Variants in RBFOX1 observed in about 807,000 individuals in gnomAD.
The protein encoded by RBFOX1 is RNA binding protein fox-1 homolog 1.
RBFOX1 carries 8 observed loss-of-function variants against 57.7 expected under a neutral mutation model. That is an observed-to-expected ratio of 0.14 (90% CI 0.08 to 0.25). The LOEUF (loss-of-function observed/expected upper bound fraction) is 0.25. Among genes scored for constraint, RBFOX1 ranks in the 10% least tolerant of loss-of-function variants. The pLI, the probability that RBFOX1 is intolerant of heterozygous loss-of-function variation, is 1.00. For synonymous variants in RBFOX1, 326 were observed against 222.4 expected, an observed-to-expected ratio of 1.47 and a Z score of -4.15; for missense variants, 611 against 548.5, an observed-to-expected ratio of 1.11 and a Z score of -1.14.
chr16:6,297,763 A>G (rs1468057000), intron 1 of RBFOX1, among the ~76,000 whole-genome samples: 1 of 152,148 alleles, frequency 6.6e-6, no homozygotes, highest in Non-Finnish European at 1.5e-5. Flanking sequence ...GCAGAATGGC[A>G]TGGCAGAAAG....
At chr16:6,201,055 T>C (rs1418887725) in intron 1 of RBFOX1, among the ~76,000 whole-genome samples, 1 of 152,066 alleles carries the variant, frequency 6.6e-6, no homozygotes, top group Non-Finnish European at 1.5e-5. Flanking sequence ...GAACATGTGA[T>C]ATTTGTCTTT....
rs79867177 is a variant in RBFOX1, at chr16:6,643,005, A to G, written c.-63-11598A>G. The stretch of plus-strand genomic sequence containing the variant: ...TGAGTCATCTTCATATTTAGGTTGA[A>G]ACCATAGACTTTTCGGAATATTCTT... On this transcript the variant is annotated intron_variant, in intron 2 of 15. Coordinates refer to ENST00000550418, the MANE Select transcript of RBFOX1 (RefSeq NM_018723.4). Among the ~76,000 whole-genome samples, 3,067 of 152,268 alleles carry G rather than the reference A, an allele frequency of 0.02. 213 individuals carry two copies. In the East Asian group the frequency reaches 0.24, roughly 12 times the overall value.
chr16:6,547,099 C>A (rs1307533143), intron 2 of RBFOX1, among the ~76,000 whole-genome samples: 1 of 152,244 alleles, frequency 6.6e-6, no homozygotes, highest in Non-Finnish European at 1.5e-5. Flanking sequence ...CTGCCCAACT[C>A]TATTGCATTG....
chr16:5,652,575 C>T (rs887694890), intron 3 of RBFOX1, among the ~76,000 whole-genome samples: 17 of 152,214 alleles, frequency 1.1e-4, no homozygotes, highest in African/African-American at 3.9e-4. Flanking sequence ...ACCATCCAGA[C>T]CTCCACTCCA....
At chr16:7,052,866 G>C (rs563590500) in intron 4 of RBFOX1, among the ~76,000 whole-genome samples, 2 of 152,098 alleles carry the variant, frequency 1.3e-5, no homozygotes, top group Non-Finnish European at 2.9e-5. Context: ...ATTATGATTG[G>C]TGTATTTTTC....
intron 1 of RBFOX1, among the ~76,000 whole-genome samples, chr16:6,163,683 G>T (rs1012229293): frequency 6.6e-6 from 1 of 152,094 alleles, no homozygotes; most frequent in South Asian, 2.1e-4. Context: ...AAATGTTTCC[G>T]CAGATCATAT....
intron 3 of RBFOX1, among the ~76,000 whole-genome samples, chr16:6,743,216 G>T (rs539636882): frequency 6.6e-6 from 1 of 152,014 alleles, no homozygotes; most frequent in African/African-American, 2.4e-5. Context: ...AAAGGAAATA[G>T]AATAATAAAA....
At chr16:6,331,926 A>G (rs2083084207) in intron 2 of RBFOX1, among the ~76,000 whole-genome samples, 1 of 152,020 alleles carries the variant, frequency 6.6e-6, no homozygotes, top group Non-Finnish European at 1.5e-5. Flanking sequence ...CATTTGTTTC[A>G]CATAAGTTTC....
At chr16:5,359,448 C>T (rs901966379) in intron 1 of RBFOX1, among the ~76,000 whole-genome samples, 2 of 152,148 alleles carry the variant, frequency 1.3e-5, no homozygotes, top group Non-Finnish European at 2.9e-5. Context: ...ACACGAGTTC[C>T]TTTTCTCCAC....
intron 1 of RBFOX1, among the ~76,000 whole-genome samples, chr16:6,191,631 G>A (rs2097142503): frequency 6.6e-6 from 1 of 152,122 alleles, no homozygotes; most frequent in African/African-American, 2.4e-5. Flanking sequence ...GAAAACAAGA[G>A]TAATCTGTAA....
At chr16:6,674,790 C>T (rs1228572892) in intron 3 of RBFOX1, among the ~76,000 whole-genome samples, 5 of 152,178 alleles carry the variant, frequency 3.3e-5, no homozygotes, top group African/African-American at 1.2e-4. Context: ...AGGATTCTTT[C>T]CTAGAGTCCC....
At chr16:6,371,063 A>C (rs1050774968) in intron 2 of RBFOX1, among the ~76,000 whole-genome samples, 4 of 152,176 alleles carry the variant, frequency 2.6e-5, no homozygotes, top group Admixed American at 6.5e-5. Flanking sequence ...CCATATTAAG[A>C]GACACATGAT....
intron 4 of RBFOX1, among the ~76,000 whole-genome samples, chr16:5,883,618 C>T (rs528196940): frequency 6.6e-6 from 1 of 152,162 alleles, no homozygotes; most frequent in East Asian, 1.9e-4. Flanking sequence ...GCTGTTGGCC[C>T]AAGGCTGAGA....
intron 5 of RBFOX1, among the ~76,000 whole-genome samples, chr16:7,539,950 G>A (rs1055980862): frequency 6.6e-5 from 10 of 152,172 alleles, no homozygotes; most frequent in African/African-American, 1.9e-4. Flanking sequence ...AAATCCCAAC[G>A]TTGCCCTTTA....
chr16:7,264,681 T>C (rs1037679599), intron 4 of RBFOX1, among the ~76,000 whole-genome samples: 5 of 152,246 alleles, frequency 3.3e-5, no homozygotes, highest in African/African-American at 4.8e-5. Flanking sequence ...TGCAATCTTA[T>C]TTTTCTTTGG....
chr16:7,544,060 CA>C (rs1249453047), intron 5 of RBFOX1, among the ~76,000 whole-genome samples: 2 of 152,154 alleles, frequency 1.3e-5, no homozygotes, highest in Non-Finnish European at 2.9e-5. Flanking sequence ...TTTGTCTTCC[CA>C]ATGACTTTAT....
chr16:7,611,654 A>T (rs1320584109), intron 10 of RBFOX1, among the ~76,000 whole-genome samples: 1 of 152,020 alleles, frequency 6.6e-6, no homozygotes. Flanking sequence ...TTTATTGCAA[A>T]CTTGGGTGGG....
chr16:7,149,079 T>G (rs2075613531), intron 4 of RBFOX1, among the ~76,000 whole-genome samples: 1 of 152,156 alleles, frequency 6.6e-6, no homozygotes, highest in Non-Finnish European at 1.5e-5. Flanking sequence ...AAACATTTCC[T>G]TTCTCACAGT....
At chr16:6,638,052 A>T (rs1388664058) in intron 2 of RBFOX1, among the ~76,000 whole-genome samples, 1 of 152,142 alleles carries the variant, frequency 6.6e-6, no homozygotes, top group East Asian at 1.9e-4. Context: ...TTAGGGGTAG[A>T]CTAAACTTCT....
Sources: allele counts gnomAD v4.1 joint callset (sites outside exome capture counted in the v4.1 genomes callset), GRCh38; gene constraint gnomAD v4.1.1; transcripts MANE v1.5; gene names NCBI Gene and HGNC (gene_info 2026-07-23, HGNC 2026-07-21).